Variants in PRKD3 observed in about 807,000 individuals in gnomAD.
The protein encoded by PRKD3 is protein kinase D3, also known as serine/threonine-protein kinase D3.
A neutral mutation model predicts 99.2 loss-of-function variants in PRKD3; 47 were observed. The observed-to-expected ratio is 0.47, with a 90% CI of 0.38 to 0.60. The LOEUF (loss-of-function observed/expected upper bound fraction) is 0.60, where lower values mean the gene tolerates loss of function less well. Ranked by LOEUF, PRKD3 falls within the 20% of genes least tolerant of loss-of-function variation. The probability of loss-of-function intolerance (pLI) is 0.00; values close to 1 mark genes in which losing one functional copy is unlikely to be tolerated. For missense variants in PRKD3, 1,019 were observed against 1,088.4 expected, an observed-to-expected ratio of 0.94 and a Z score of 0.90; for synonymous variants, 392 against 355.4, an observed-to-expected ratio of 1.10 and a Z score of -1.16.
At chr2:37,290,789 T>A in intron 4 of PRKD3, 79 bp downstream of exon 4, 1 of 1,431,836 alleles carries the variant, frequency 7.0e-7, no homozygotes, top group South Asian at 1.3e-5. Context: ...CAGCTCGTCA[T>A]CTTGCTTTTT....
chr2:37,262,325 G>A (rs550025912), intron 14 of PRKD3, among the ~76,000 whole-genome samples: 1 of 152,112 alleles, frequency 6.6e-6, no homozygotes. Flanking sequence ...AATAATGTGT[G>A]TATTCTACTC....
chr2:37,314,429 T>G (rs1671573088), intron 2 of PRKD3, among the ~76,000 whole-genome samples: 1 of 152,198 alleles, frequency 6.6e-6, no homozygotes, highest in South Asian at 2.1e-4. Flanking sequence ...TTTAATCTGG[T>G]TCTCCAAGAA....
chr2:37,282,526 AG>A lies in PRKD3; in HGVS notation c.988+15del. ...CTTTTCTGATCTTTCACAAAAATTAAGAAAAATAATTTTACCTCCATTGAAA... is the reference window on the plus strand; with the variant it reads ...CTTTTCTGATCTTTCACAAAAATTAAAAAAATAATTTTACCTCCATTGAAA... On this transcript the variant is annotated intron_variant, in intron 7 of 18. Coordinates refer to ENST00000234179, the MANE Select transcript of PRKD3 (RefSeq NM_005813.6). 1 of 1,510,522 alleles carries A rather than the reference AG, an allele frequency of 6.6e-7. No homozygotes were observed. Among genetic ancestry groups the A allele is most frequent in the Non-Finnish European group, 9.2e-7 (1 of 1,088,442 alleles). 93.6% of individuals were successfully genotyped at this position (1,510,522 alleles called of 1,614,324 possible).
rs1669729308 is a variant in PRKD3, at chr2:37,279,432, C to T, written c.1172+314G>A. 7 of 175,942 alleles carry T rather than the reference C, an allele frequency of 4.0e-5. No homozygotes were observed. In the South Asian group the frequency reaches 1.3e-3, roughly 33 times the overall value. The allele number at this position is 175,942 out of a possible 1,614,324, so 10.9% of individuals were successfully genotyped here. On this transcript the variant is annotated intron_variant, in intron 8 of 18. Coordinates refer to ENST00000234179, the MANE Select transcript of PRKD3 (RefSeq NM_005813.6). Reference sequence around the variant, plus strand: ...GGTTGCTTTAACTGAAAGTTCAATACTGACACCTTGCAGTGGCTGTTCCAC... The same window carrying T: ...GGTTGCTTTAACTGAAAGTTCAATATTGACACCTTGCAGTGGCTGTTCCAC...
At chr2:37,288,518 A>G (rs1670227788) in intron 5 of PRKD3, among the ~76,000 whole-genome samples, 1 of 152,216 alleles carries the variant, frequency 6.6e-6, no homozygotes, top group African/African-American at 2.4e-5. Context: ...AGTTACAGAA[A>G]AAACTAAATA....
rs948599554 is a variant in PRKD3, at chr2:37,316,344, A to T, written c.181T>A (p.Ser61Thr). Residue 61 changes from serine to threonine, a missense_variant, in exon 2 of 19, where the codon TCA (serine) becomes ACA (threonine). Transcript: ENST00000234179. ...TNSRGSVHTV[S>T]FLLQIGLTRE... is the part of the protein sequence containing the mutation. ...GTGAGGCCAATTTGCAGTAGAAATG[A>T]AACTGTATGCACTGAGCCTCTGGAG... 6.8e-6 allele frequency: 11 copies of T among 1,614,128 alleles called. No homozygotes were observed. The highest frequency in any genetic ancestry group is 2.7e-5 in the African/African-American group (2 of 74,950).
Position 37,286,313 on chromosome 2 carries a change from G to T in PRKD3, c.774C>A (p.Ile258=). ...KRIPSWSGRP[I]WMEKMVMCRV... is the part of the protein sequence containing the mutation. ...TGCACATTACCATCTTTTCCATCCA[G>T]ATTGGGCGACCACTCCAAGAAGGAA... is the stretch of plus-strand genomic sequence containing the variant. The change falls in exon 6 of 19, where the codon ATC becomes ATA. Residue 258 remains isoleucine (I), a synonymous_variant. Coordinates refer to ENST00000234179, the MANE Select transcript of PRKD3 (RefSeq NM_005813.6). The T allele has an allele frequency of 6.2e-7, 1 of 1,614,092 alleles. No individual in the cohort carries two copies. The highest frequency in any genetic ancestry group is 8.5e-7 in the Non-Finnish European group (1 of 1,179,986).
intron 2 of PRKD3, among the ~76,000 whole-genome samples, chr2:37,303,568 C>T (rs1671032779): frequency 6.6e-6 from 1 of 152,028 alleles, no homozygotes; most frequent in Non-Finnish European, 1.5e-5. Flanking sequence ...CTGCTCCTGC[C>T]ATCACTCAAG....
chr2:37,256,882 T>C lies in PRKD3; in HGVS notation c.2193A>G (p.Ser731=). Residue 731 remains serine, a synonymous_variant, in exon 17 of 19, where the codon TCA becomes TCG. Coordinates refer to ENST00000234179, the MANE Select transcript of PRKD3 (RefSeq NM_005813.6). ...GAGTTCCTACCACAGATCTCCTGAATGACTTTTCACCAATGATGCGTGCAA... is the reference window on the plus strand; with the variant it reads ...GAGTTCCTACCACAGATCTCCTGAACGACTTTTCACCAATGATGCGTGCAA... The part of the protein sequence containing the change: ...FGFARIIGEK[S]FRRSVVGTPA... The C allele has an allele frequency of 1.2e-6, 2 of 1,614,096 alleles. No individual in the cohort carries two copies. Among genetic ancestry groups the C allele is most frequent in the Non-Finnish European group, 1.7e-6 (2 of 1,180,002 alleles).
chr2:37,303,169 C>A (rs925179283), intron 2 of PRKD3, among the ~76,000 whole-genome samples: 2 of 152,080 alleles, frequency 1.3e-5, no homozygotes, highest in African/African-American at 2.4e-5. Flanking sequence ...GGAAGAGCCG[C>A]TGGACCTCAG....
At chr2:37,287,886 A>G (rs552793267) in intron 5 of PRKD3, among the ~76,000 whole-genome samples, 13 of 152,346 alleles carry the variant, frequency 8.5e-5, no homozygotes, top group African/African-American at 3.1e-4. Context: ...AGAAAAACCC[A>G]AACAGTTGGA....
At chr2:37,272,268 A>G (rs1669315772) in intron 12 of PRKD3, 112 bp downstream of exon 12, 1 of 1,478,230 alleles carries the variant, frequency 6.8e-7, no homozygotes, top group African/African-American at 1.5e-5. Context: ...CCAACCGCAA[A>G]GTCTAGCCTA....
At position 37,269,721 on chromosome 2, in the gene PRKD3, A is replaced by T. The variant is rs767603964; in HGVS notation, c.1705-34T>A. 1.3e-5 allele frequency: 19 copies of T among 1,437,482 alleles called. No homozygotes were observed. In the East Asian group the frequency reaches 4.3e-4, roughly 33 times the overall value. 89.0% of individuals were successfully genotyped at this position (1,437,482 alleles called of 1,614,324 possible). A position where few individuals can be genotyped will look rare whatever the true frequency, so the allele number is the denominator to read the frequency against. ...ATAAAGTAAGGAGTTAGTATTATTTATTTCTATAATACAATGTCAACATCT... is the reference window on the plus strand; with the variant it reads ...ATAAAGTAAGGAGTTAGTATTATTTTTTTCTATAATACAATGTCAACATCT... On this transcript the variant is annotated intron_variant, in intron 12 of 18. Coordinates refer to ENST00000234179, the MANE Select transcript of PRKD3 (RefSeq NM_005813.6).
In PRKD3 at chr2:37,316,528, CCTTT is replaced by C. The variant is rs765517682; in HGVS notation, c.-8_-5del. On this transcript the variant is annotated 5_prime_UTR_variant, in exon 2 of 19. Coordinates refer to ENST00000234179, the MANE Select transcript of PRKD3 (RefSeq NM_005813.6). ...GAGGGGAATTATTTGCAGACATCTGCCTTTCTTTAATCTTTTAAAATAGTTGTCG... is the reference window on the plus strand; with the variant it reads ...GAGGGGAATTATTTGCAGACATCTGCCTTTAATCTTTTAAAATAGTTGTCG... The C allele has an allele frequency of 1.2e-6, 2 of 1,609,290 alleles. No individual in the cohort carries two copies. Among genetic ancestry groups the C allele is most frequent in the Non-Finnish European group, 1.7e-6 (2 of 1,177,806 alleles).
intron 7 of PRKD3, 38 bp downstream of exon 7, chr2:37,282,504 T>C: frequency 7.7e-7 from 1 of 1,302,092 alleles, no homozygotes; most frequent in Non-Finnish European, 1.1e-6. Flanking sequence ...TCATGGCCTT[T>C]TCTGATCTTT....
At chr2:37,277,774 T>C in intron 9 of PRKD3, 92 bp downstream of exon 9, 2 of 1,371,192 alleles carry the variant, frequency 1.5e-6, no homozygotes, top group South Asian at 1.4e-5. Flanking sequence ...TGTCTTAATA[T>C]GTATCTCATC....
At chr2:37,286,479 C>CTA in intron 5 of PRKD3, 110 bp from the exon 6 acceptor site, 1 of 907,942 alleles carries the variant, frequency 1.1e-6, no homozygotes, top group Non-Finnish European at 1.6e-6. Flanking sequence ...CCAAAAAACT[C>CTA]TAAAAATGTT....
In PRKD3 at chr2:37,267,717, A is replaced by G. The variant is rs575578910; in HGVS notation, c.1778-181T>C. 2.6e-4 allele frequency: 142 copies of G among 539,540 alleles called. No individual in the cohort carries two copies. In the Middle Eastern group the frequency reaches 3.4e-3, roughly 13 times the overall value. 33.4% of individuals were successfully genotyped at this position (539,540 alleles called of 1,614,324 possible). A position where few individuals can be genotyped will look rare whatever the true frequency, so the allele number is the denominator to read the frequency against. ...GAAAAAATTGTTTTCCCCTCCATAC[A>G]TAATATTTGCCCCTAATAAAGTCAG... is the stretch of plus-strand genomic sequence containing the variant. On this transcript the variant is annotated intron_variant, in intron 13 of 18. Transcript: ENST00000234179.
chr2:37,279,971 G>C (rs1206184079), intron 7 of PRKD3, 42 bp from the exon 8 acceptor site: 47 of 1,371,080 alleles, frequency 3.4e-5, no homozygotes, highest in Non-Finnish European at 4.6e-5. Context: ...TATATTAATA[G>C]AGGAAGTCCA....
Sources: allele counts gnomAD v4.1 joint callset (sites outside exome capture counted in the v4.1 genomes callset), GRCh38; gene constraint gnomAD v4.1.1; transcripts MANE v1.5; gene names NCBI Gene and HGNC (gene_info 2026-07-23, HGNC 2026-07-21).